Variants in DAPK1 observed in about 807,000 individuals in gnomAD.
The protein encoded by DAPK1 is death associated protein kinase 1.
In DAPK1, 56 loss-of-function variants were observed where a neutral mutation model predicts 144.9. The observed-to-expected ratio is 0.39, with a 90% confidence interval of 0.31 to 0.48. The LOEUF (loss-of-function observed/expected upper bound fraction) is 0.48. DAPK1 is among the 20% of genes least tolerant of loss of function. The pLI is 0.95. For missense variants in DAPK1, 1,454 were observed against 1,875.4 expected, an observed-to-expected ratio of 0.78 and a Z score of 4.15; for synonymous variants, 690 against 749.0, an observed-to-expected ratio of 0.92 and a Z score of 1.29.
intron 2 of DAPK1, among the ~76,000 whole-genome samples, chr9:87,519,872 G>A (rs926610319): frequency 2.0e-5 from 3 of 152,264 alleles, no homozygotes; most frequent in Non-Finnish European, 4.4e-5. Flanking sequence ...GAATAGGGCC[G>A]AGAGGACATA....
chr9:87,502,199 C>T (rs1407211020), intron 2 of DAPK1, among the ~76,000 whole-genome samples: 1 of 151,942 alleles, frequency 6.6e-6, no homozygotes, highest in African/African-American at 2.4e-5. Context: ...AGCATTCAGC[C>T]TCCACTATGA....
At chr9:87,659,509 C>T (rs759480136) in intron 18 of DAPK1, among the ~76,000 whole-genome samples, 2 of 152,222 alleles carry the variant, frequency 1.3e-5, no homozygotes, top group Non-Finnish European at 2.9e-5. Context: ...AAGACCCAGC[C>T]AGGCCATTAT....
Position 87,637,956 on chromosome 9 carries a change from G to A in DAPK1, c.298G>A (p.Glu100Lys), listed in dbSNP as rs1362592392. Residue 100 changes from glutamate to lysine, a missense_variant, in exon 4 of 26, where the codon GAG becomes AAG. By Grantham distance (56) the Glu-to-Lys change is moderately conservative. Around this residue, in one of 2 missense-constraint regions of DAPK1, gnomAD observed 429 missense variants for 637.5 expected, o/e 0.67. Coordinates refer to ENST00000408954, the MANE Select transcript of DAPK1 (RefSeq NM_004938.4). The part of the protein sequence containing the change: ...ILILELVAGG[E>K]LFDFLAEKES... Reference sequence around the variant, plus strand: ...CCGGGTTCTCAGCGTTGCAGGTGGCGAGCTGTTTGACTTCTTAGCTGAAAA... The same window carrying A: ...CCGGGTTCTCAGCGTTGCAGGTGGCAAGCTGTTTGACTTCTTAGCTGAAAA... The A allele has an allele frequency of 5.0e-6, 8 of 1,613,892 alleles. No homozygotes were observed. The highest frequency in any genetic ancestry group is 1.1e-5 in the South Asian group (1 of 91,056).
chr9:87,677,078 C>T (rs1250883277), intron 19 of DAPK1, among the ~76,000 whole-genome samples: 1 of 152,204 alleles, frequency 6.6e-6, no homozygotes, highest in African/African-American at 2.4e-5. Flanking sequence ...GAAGGCATAG[C>T]ATGAGCTGGA....
chr9:87,689,325 T>C (rs1017254738), intron 21 of DAPK1, among the ~76,000 whole-genome samples: 1 of 152,086 alleles, frequency 6.6e-6, no homozygotes. Context: ...CCATGCTGTT[T>C]TGGTTACTGT....
chr9:87,562,561 C>T (rs1255466422), intron 2 of DAPK1, among the ~76,000 whole-genome samples: 1 of 152,144 alleles, frequency 6.6e-6, no homozygotes, highest in East Asian at 1.9e-4. Context: ...TGATGACTGT[C>T]ACTGCCACAG....
At chr9:87,562,930 G>T (rs1826984427) in intron 2 of DAPK1, among the ~76,000 whole-genome samples, 1 of 152,168 alleles carries the variant, frequency 6.6e-6, no homozygotes. Context: ...CTTTTTTATA[G>T]AACCTCAAAC....
Position 87,605,036 on chromosome 9 carries a change from A to G in DAPK1, c.145A>G (p.Thr49Ala). The change falls in exon 3 of 26, where the codon ACT becomes GCT. Residue 49 changes from threonine to alanine, a missense_variant. By Grantham distance (58) the Thr-to-Ala change is moderately conservative. Coordinates refer to ENST00000408954, the MANE Select transcript of DAPK1 (RefSeq NM_004938.4). ...CGCCAAATTCATCAAGAAAAGGAGGACTAAGTCCAGCCGGCGGGGTGTGAG... is the reference window on the plus strand; with the variant it reads ...CGCCAAATTCATCAAGAAAAGGAGGGCTAAGTCCAGCCGGCGGGGTGTGAG... The part of the protein sequence containing the change: ...YAAKFIKKRR[T>A]KSSRRGVSRE... 3 of 1,614,230 alleles carry G rather than the reference A, an allele frequency of 1.9e-6. No individual in the cohort carries two copies. Among genetic ancestry groups the G allele is most frequent in the South Asian group, 2.2e-5 (2 of 91,088 alleles).
intron 23 of DAPK1, 83 bp downstream of exon 23, chr9:87,698,877 G>A (rs1437616439): frequency 2.5e-6 from 2 of 799,130 alleles, no homozygotes; most frequent in African/African-American, 1.7e-5. Context: ...AAGTACAAAG[G>A]AAGTCTCATG....
intron 2 of DAPK1, among the ~76,000 whole-genome samples, chr9:87,516,690 G>T (rs535529338): frequency 6.6e-6 from 1 of 152,098 alleles, no homozygotes; most frequent in South Asian, 2.1e-4. Context: ...AGCCCACATG[G>T]CTTAATTAGC....
intron 17 of DAPK1, among the ~76,000 whole-genome samples, chr9:87,657,046 C>T (rs958363206): frequency 5.3e-5 from 8 of 152,074 alleles, no homozygotes; most frequent in African/African-American, 1.9e-4. Context: ...AAATACATAG[C>T]ATTAAAAAAA....
intron 2 of DAPK1, among the ~76,000 whole-genome samples, chr9:87,513,576 A>C (rs1336282465): frequency 1.3e-5 from 2 of 152,216 alleles, no homozygotes; most frequent in African/African-American, 4.8e-5. Context: ...CTAGACCAGC[A>C]GCTGGAGGTA....
At chr9:87,621,892 T>A (rs564435230) in intron 3 of DAPK1, among the ~76,000 whole-genome samples, 1 of 152,076 alleles carries the variant, frequency 6.6e-6, no homozygotes, top group South Asian at 2.1e-4. Flanking sequence ...TAATCTGCAG[T>A]TCCCCCACAT....
chr9:87,506,085 G>C (rs1824579788), intron 2 of DAPK1, among the ~76,000 whole-genome samples: 1 of 152,312 alleles, frequency 6.6e-6, no homozygotes, highest in East Asian at 1.9e-4. Context: ...GCTTTCTCCA[G>C]GCAGCTGATT....
chr9:87,643,951 A>G (rs924682787), intron 11 of DAPK1, among the ~76,000 whole-genome samples: 1 of 152,124 alleles, frequency 6.6e-6, no homozygotes, highest in Non-Finnish European at 1.5e-5. Context: ...CCACACACCC[A>G]CACCAGAGAA....
intron 19 of DAPK1, among the ~76,000 whole-genome samples, chr9:87,679,736 T>C (rs930792466): frequency 1.3e-5 from 2 of 152,168 alleles, no homozygotes; most frequent in African/African-American, 4.8e-5. Context: ...AGTAGCGAAC[T>C]ATTTCATTCT....
At chr9:87,574,786 G>A (rs1432467066) in intron 2 of DAPK1, among the ~76,000 whole-genome samples, 1 of 152,134 alleles carries the variant, frequency 6.6e-6, no homozygotes, top group Non-Finnish European at 1.5e-5. Flanking sequence ...GCCGGGCTTG[G>A]TGCTGTGCAC....
intron 22 of DAPK1, chr9:87,698,430 A>C (rs1019475128): frequency 4.5e-6 from 2 of 446,946 alleles, no homozygotes; most frequent in Non-Finnish European, 8.0e-6. Flanking sequence ...ACTTTGAGCA[A>C]TTTTCCTTGT....
At chr9:87,594,492 A>T (rs751673332) in intron 2 of DAPK1, among the ~76,000 whole-genome samples, 11 of 152,230 alleles carry the variant, frequency 7.2e-5, no homozygotes, top group African/African-American at 9.6e-5. Context: ...TGTAGGATTC[A>T]CTACGGCAGT....
Sources: allele counts gnomAD v4.1 joint callset (sites outside exome capture counted in the v4.1 genomes callset), GRCh38; gene constraint gnomAD v4.1.1; regional missense constraint gnomAD v4.1.1; transcripts MANE v1.5; gene names NCBI Gene and HGNC (gene_info 2026-07-23, HGNC 2026-07-21).